The following CSPG4 variants were observed in gnomAD, a reference collection of about 807,000 sequenced individuals.
The protein encoded by CSPG4 is chondroitin sulfate proteoglycan 4 (melanoma-associated).
Under a neutral mutation model 139.3 loss-of-function variants are expected in CSPG4, and 74 were observed. The observed-to-expected ratio is 0.53, with a 90% CI of 0.44 to 0.64. The LOEUF is 0.64. CSPG4 is among the 30% of genes least tolerant of loss of function. The pLI, the probability that CSPG4 is intolerant of heterozygous loss-of-function variation, is 0.00. For synonymous variants in CSPG4, 1,234 were observed against 1,394.2 expected (o/e 0.89, Z 2.56); for missense variants, 2,565 against 3,148.3 (o/e 0.81, Z 4.43).
chr15:75,712,375 T>G (rs537605402), intron 1 of CSPG4, among the ~76,000 whole-genome samples: 1 of 152,252 alleles, frequency 6.6e-6, no homozygotes, highest in Non-Finnish European at 1.5e-5. Flanking sequence ...CACTGGTGTC[T>G]CAGACAATCC....
rs149001988 is a variant in CSPG4 at position 75,677,818 on chromosome 15, G to C, written c.5019C>G (p.Thr1673=). The C allele has an allele frequency of 6.2e-7, 1 of 1,612,706 alleles. No individual in the cohort carries two copies. The highest frequency in any genetic ancestry group is 8.5e-7 in the Non-Finnish European group (1 of 1,179,360). ...GCGGCGAGGACAGCTGGAGCTCTAG[G>C]GTATCATGGGCCTCCCAAAAGGGCT... ...PPEPFWEAHD[T]LELQLSSPPA... is the part of the protein sequence containing the mutation. Residue 1673 remains threonine, a synonymous_variant, in exon 9 of 10, where the codon ACC becomes ACG. Coordinates refer to ENST00000308508, the MANE Select transcript of CSPG4 (RefSeq NM_001897.5).
intron 8 of CSPG4, among the ~76,000 whole-genome samples, chr15:75,682,067 TC>T (rs1355324031): frequency 6.6e-6 from 1 of 152,202 alleles, no homozygotes; most frequent in East Asian, 1.9e-4. Flanking sequence ...GGGCCCTGTA[TC>T]CCCGACTTTC....
chr15:75,705,807 C>A (rs996339815), intron 1 of CSPG4, among the ~76,000 whole-genome samples: 1 of 152,172 alleles, frequency 6.6e-6, no homozygotes, highest in Admixed American at 6.5e-5. Flanking sequence ...ATTTGCTCCT[C>A]CTTGACCAGG....
chr15:75,699,732 G>A (rs542085534), intron 1 of CSPG4, among the ~76,000 whole-genome samples: 17 of 152,258 alleles, frequency 1.1e-4, no homozygotes, highest in Non-Finnish European at 2.1e-4. Flanking sequence ...AGGAGGAAGC[G>A]GGGCCTCAAT....
chr15:75,712,327 G>A (rs1894456810), intron 1 of CSPG4, among the ~76,000 whole-genome samples: 1 of 152,060 alleles, frequency 6.6e-6, no homozygotes, highest in Non-Finnish European at 1.5e-5. Context: ...CCCCAAACTT[G>A]CCTGGCAAAC....
chr15:75,702,571 C>T (rs1466225177), intron 1 of CSPG4, among the ~76,000 whole-genome samples: 7 of 152,186 alleles, frequency 4.6e-5, no homozygotes, highest in Non-Finnish European at 8.8e-5. Flanking sequence ...GGAGGGGCTG[C>T]CTCTGGGAGC....
intron 9 of CSPG4, 143 bp from the exon 10 acceptor site, chr15:75,677,527 GAGGATAA>G (rs1893911388): frequency 5.0e-6 from 6 of 1,203,452 alleles, no homozygotes; most frequent in Non-Finnish European, 6.8e-6. Flanking sequence ...GGGTTCCCAG[GAGGATAA>G]GGACTATGTC....
intron 2 of CSPG4, among the ~76,000 whole-genome samples, chr15:75,692,441 C>T (rs182705171): frequency 4.4e-4 from 67 of 152,288 alleles, no homozygotes; most frequent in African/African-American, 1.5e-3. Flanking sequence ...CGGAATAAGA[C>T]CCTGGGTTCT....
chr15:75,674,437 G>T lies in CSPG4; in HGVS notation c.*1113C>A. 1 of 340,980 alleles carries T rather than the reference G, an allele frequency of 2.9e-6. No homozygotes were observed. Among genetic ancestry groups the T allele is most frequent in the Non-Finnish European group, 5.3e-6 (1 of 188,994 alleles). 21.1% of individuals were successfully genotyped at this position (340,980 alleles called of 1,614,324 possible). On this transcript the variant is annotated 3_prime_UTR_variant, in exon 10 of 10. Coordinates refer to ENST00000308508, the MANE Select transcript of CSPG4 (RefSeq NM_001897.5). The stretch of plus-strand genomic sequence containing the variant: ...CCATCACCCGAAGACTGGCCCACCT[G>T]CCCACACAGGTGGGGGCACAGGAGG...
At chr15:75,712,238 C>T (rs920751179) in intron 1 of CSPG4, among the ~76,000 whole-genome samples, 2 of 150,960 alleles carry the variant, frequency 1.3e-5, no homozygotes, top group African/African-American at 4.9e-5. Context: ...TAGCACTCCC[C>T]ATTCCTGGCC....
chr15:75,699,213 T>C (rs1394959204), intron 1 of CSPG4, among the ~76,000 whole-genome samples: 1 of 152,234 alleles, frequency 6.6e-6, no homozygotes, highest in East Asian at 1.9e-4. Context: ...GCTGGAGTGC[T>C]AGGCACCTGC....
rs779006796 is a variant in CSPG4 at position 75,690,398 on chromosome 15, C to T, written c.667G>A (p.Glu223Lys). 1.7e-5 allele frequency: 28 copies of T among 1,609,172 alleles called. No homozygotes were observed. The highest frequency in any genetic ancestry group is 6.7e-5 in the East Asian group (3 of 44,834). Residue 223 changes from glutamate to lysine, a missense_variant, in exon 3 of 10, where the codon GAA becomes AAA. Transcript: ENST00000308508. ...AAFPAWGTQD[E>K]GTLEFTLTTQ... ...GTGAGTGTAAACTCTAGGGTTCCTT[C>T]GTCCTGAGTGCCCCAGGCAGGGAAG...
At position 75,677,765 on chromosome 15, in the gene CSPG4, G is replaced by A. The variant is rs1379693884; in HGVS notation, c.5072C>T (p.Ala1691Val). 1.9e-6 allele frequency: 3 copies of A among 1,611,418 alleles called. No individual in the cohort carries two copies. Among genetic ancestry groups the A allele is most frequent in the Admixed American group, 1.7e-5 (1 of 59,524 alleles). The change falls in exon 9 of 10, where the codon GCT becomes GTT. Residue 1691 changes from alanine to valine, a missense_variant. Ala to Val is a moderately conservative substitution (Grantham distance 64). Around this residue, in one of 5 missense-constraint regions of CSPG4, gnomAD observed 2,316 missense variants for 2,818.2 expected, o/e 0.82. Coordinates refer to ENST00000308508, the MANE Select transcript of CSPG4 (RefSeq NM_001897.5). ...GGCAGCCTCAAAAGACACAGCCACA[G>A]CAAGGGTGGCGGCCACGTCCCGGGC... ...PPARDVAATL[A>V]VAVSFEAACP...
intron 1 of CSPG4, among the ~76,000 whole-genome samples, chr15:75,706,586 G>A (rs1894376364): frequency 6.6e-6 from 1 of 152,186 alleles, no homozygotes; most frequent in Admixed American, 6.5e-5. Flanking sequence ...CAGGAGAGGG[G>A]CCATCCAGGT....
intron 5 of CSPG4, among the ~76,000 whole-genome samples, chr15:75,683,451 C>A (rs1894007594): frequency 2.0e-5 from 3 of 152,188 alleles, no homozygotes; most frequent in Admixed American, 6.5e-5. Flanking sequence ...TCCGTGTGTG[C>A]CTGGCCGGGG....
chr15:75,684,606 T>C, intron 5 of CSPG4, 130 bp downstream of exon 5: 1 of 800,456 alleles, frequency 1.2e-6, no homozygotes, highest in Non-Finnish European at 2.0e-6. Context: ...CCGTGAGGCA[T>C]GTGGCAGCGT....
At chr15:75,697,370 T>C (rs765226756) in intron 1 of CSPG4, among the ~76,000 whole-genome samples, 112 of 152,352 alleles carry the variant, frequency 7.4e-4, no homozygotes, top group Non-Finnish European at 1.3e-3. Context: ...CCACCCTCCA[T>C]GGGTGCTGAG....
intron 9 of CSPG4, among the ~76,000 whole-genome samples, 156 bp downstream of exon 9, chr15:75,677,547 C>T (rs1237668984): frequency 6.6e-6 from 1 of 152,148 alleles, no homozygotes; most frequent in Non-Finnish European, 1.5e-5. Flanking sequence ...ACTATGTCCC[C>T]GCTGTGATGT....
chr15:75,680,079 A>C (rs1893952139), intron 8 of CSPG4: 1 of 152,294 alleles, frequency 6.6e-6, no homozygotes, highest in Non-Finnish European at 1.5e-5. Context: ...CAGGGTCTTA[A>C]CCTGTGAAGA....
Sources: allele counts gnomAD v4.1 joint callset (sites outside exome capture counted in the v4.1 genomes callset), GRCh38; gene constraint gnomAD v4.1.1; regional missense constraint gnomAD v4.1.1; transcripts MANE v1.5; gene names NCBI Gene and HGNC (gene_info 2026-07-23, HGNC 2026-07-21).